Variants in CNTN4 observed in about 807,000 individuals in gnomAD.
CNTN4 encodes the protein contactin 4, also known as contactin-4.
A neutral mutation model predicts 122.5 loss-of-function variants in CNTN4; 77 were observed. The ratio of observed to expected loss-of-function variants is 0.63; its 90% CI spans 0.52 to 0.76. CNTN4 has a LOEUF of 0.76. CNTN4 is among the 30% of genes least tolerant of loss of function. The pLI, the probability that CNTN4 is intolerant of heterozygous loss-of-function variation, is 0.00. For missense variants in CNTN4, 1,256 were observed against 1,259.1 expected, an observed-to-expected ratio of 1.00 and a Z score of 0.04; for synonymous variants, 512 against 447.0, an observed-to-expected ratio of 1.15 and a Z score of -1.83.
intron 4 of CNTN4, among the ~76,000 whole-genome samples, chr3:2,613,032 G>C (rs2081566855): frequency 6.6e-6 from 1 of 152,120 alleles, no homozygotes; most frequent in Non-Finnish European, 1.5e-5. Flanking sequence ...AGTATTTCTT[G>C]TATATTGTGC....
At chr3:2,989,394 G>C (rs1022815817) in intron 14 of CNTN4, among the ~76,000 whole-genome samples, 1 of 152,118 alleles carries the variant, frequency 6.6e-6, no homozygotes, top group Non-Finnish European at 1.5e-5. Context: ...AATTTATACA[G>C]ATGGGTCATA....
At chr3:2,241,524 C>G (rs762911387) in intron 2 of CNTN4, among the ~76,000 whole-genome samples, 1 of 152,132 alleles carries the variant, frequency 6.6e-6, no homozygotes, top group Non-Finnish European at 1.5e-5. Context: ...TCTTACCTGC[C>G]AAAGCTGTGT....
At chr3:2,788,834 T>C (rs1437791267) in intron 6 of CNTN4, among the ~76,000 whole-genome samples, 1 of 152,228 alleles carries the variant, frequency 6.6e-6, no homozygotes, top group African/African-American at 2.4e-5. Flanking sequence ...GGATAACCTC[T>C]GTATTTGTTT....
chr3:2,116,239 T>C (rs1484364125), intron 2 of CNTN4, among the ~76,000 whole-genome samples: 1 of 152,144 alleles, frequency 6.6e-6, no homozygotes, highest in African/African-American at 2.4e-5. Flanking sequence ...ACGTGAGGCA[T>C]AACAGAAAAT....
intron 3 of CNTN4, among the ~76,000 whole-genome samples, chr3:2,489,877 T>C (rs2076266120): frequency 2.0e-5 from 3 of 152,188 alleles, no homozygotes; most frequent in Admixed American, 6.5e-5. Context: ...CAGCCTATCT[T>C]GCCTATTTGA....
In CNTN4 at chr3:3,014,075, CA is replaced by C. The variant is rs1697502306; in HGVS notation, c.1487-12026del. ...ACACACACACACACACACACACACA[CA>C]CACACACACACCCCTAGGGGTTTTG... On this transcript the variant is annotated intron_variant, in intron 14 of 24. Transcript: ENST00000418658. Among the ~76,000 whole-genome samples the C allele has an allele frequency of 2.0e-5, 3 of 152,018 alleles. No individual in the cohort carries two copies. In the South Asian group the frequency reaches 6.2e-4, roughly 32 times the overall value.
At chr3:2,905,412 T>C (rs1470119720) in intron 12 of CNTN4, among the ~76,000 whole-genome samples, 7 of 152,244 alleles carry the variant, frequency 4.6e-5, no homozygotes, top group Non-Finnish European at 5.9e-5. Context: ...TGCCAACCTC[T>C]CACTGTGTTT....
intron 3 of CNTN4, among the ~76,000 whole-genome samples, chr3:2,358,688 A>C (rs2044979802): frequency 6.6e-6 from 1 of 152,158 alleles, no homozygotes; most frequent in African/African-American, 2.4e-5. Flanking sequence ...GGCAACACAA[A>C]TCAGTACTAA....
At chr3:2,375,657 T>C (rs76782052) in intron 3 of CNTN4, among the ~76,000 whole-genome samples, 4,022 of 152,300 alleles carry the variant, frequency 0.026, 181 homozygotes, top group African/African-American at 0.092. Flanking sequence ...GCCTGCCCTA[T>C]TCTGAACATC....
At chr3:2,563,087 C>G (rs530000453) in intron 3 of CNTN4, among the ~76,000 whole-genome samples, 1 of 152,210 alleles carries the variant, frequency 6.6e-6, no homozygotes, top group African/African-American at 2.4e-5. Context: ...AATGGTAGTT[C>G]TGTTTTAAAT....
At chr3:2,321,557 C>G (rs1022546716) in intron 2 of CNTN4, among the ~76,000 whole-genome samples, 11 of 151,836 alleles carry the variant, frequency 7.2e-5, no homozygotes, top group Non-Finnish European at 1.6e-4. Flanking sequence ...CTTTCAATCA[C>G]TTGGGTTTTC....
At position 2,651,993 on chromosome 3, in the gene CNTN4, C is replaced by T. The variant is rs1369054645; in HGVS notation, c.55+80435C>T. On this transcript the variant is annotated intron_variant, in intron 4 of 24. Coordinates refer to ENST00000418658, the MANE Select transcript of CNTN4 (RefSeq NM_175607.3). ...AAGTGCTGGGATTATAGGTGTGACC[C>T]ACCGCACCTGGCCAAAAAAAAGGTG... 3.3e-5 allele frequency among the ~76,000 whole-genome samples: 5 copies of T among 151,450 alleles called. No individual in the cohort carries two copies. In the East Asian group the frequency reaches 5.8e-4, roughly 18 times the overall value.
chr3:2,933,907 G>T (rs937162186), intron 13 of CNTN4, among the ~76,000 whole-genome samples: 3 of 152,154 alleles, frequency 2.0e-5, no homozygotes, highest in Admixed American at 2.0e-4. Context: ...TCAAAGGAAG[G>T]TACCCTGAGG....
chr3:2,193,504 G>A (rs1238919636), intron 2 of CNTN4, among the ~76,000 whole-genome samples: 1 of 152,194 alleles, frequency 6.6e-6, no homozygotes, highest in Non-Finnish European at 1.5e-5. Flanking sequence ...AAAGAGATGT[G>A]ATAACTAAGT....
chr3:2,651,294 G>T (rs1168223823), intron 4 of CNTN4, among the ~76,000 whole-genome samples: 1 of 152,120 alleles, frequency 6.6e-6, no homozygotes, highest in African/African-American at 2.4e-5. Context: ...GGATCCTCTT[G>T]CTTCCTTTGT....
intron 3 of CNTN4, among the ~76,000 whole-genome samples, chr3:2,530,429 C>A (rs2077554812): frequency 6.6e-6 from 1 of 151,332 alleles, no homozygotes; most frequent in South Asian, 2.1e-4. Context: ...GTGCCTTAGG[C>A]TCCCGGATAG....
chr3:2,783,856 A>T (rs903553220), intron 6 of CNTN4, among the ~76,000 whole-genome samples: 1 of 152,212 alleles, frequency 6.6e-6, no homozygotes, highest in Non-Finnish European at 1.5e-5. Flanking sequence ...AATGTTCATG[A>T]TGAATCCGTT....
chr3:2,508,126 C>A (rs151092856), intron 3 of CNTN4, among the ~76,000 whole-genome samples: 205 of 152,294 alleles, frequency 1.3e-3, no homozygotes, highest in African/African-American at 4.6e-3. Context: ...AATATGGCCA[C>A]ATATTTTCTT....
intron 2 of CNTN4, among the ~76,000 whole-genome samples, chr3:2,315,432 G>T (rs1192694891): frequency 6.6e-6 from 1 of 151,976 alleles, no homozygotes; most frequent in Non-Finnish European, 1.5e-5. Context: ...CACTTGGTAG[G>T]CGAAAACAGT....
Sources: allele counts gnomAD v4.1 joint callset (sites outside exome capture counted in the v4.1 genomes callset), GRCh38; gene constraint gnomAD v4.1.1; transcripts MANE v1.5; gene names NCBI Gene and HGNC (gene_info 2026-07-23, HGNC 2026-07-21).